Variants in NLRP5 observed in about 807,000 individuals in gnomAD.
NLRP5 encodes NLR family pyrin domain containing 5, also known as NACHT, LRR and PYD domains-containing protein 5.
NLRP5 carries 93 observed loss-of-function variants against 113.1 expected under a neutral mutation model. The observed-to-expected ratio is 0.82, with a 90% CI of 0.70 to 0.98. NLRP5 has a LOEUF of 0.98. Among genes scored for constraint, NLRP5 ranks in the 50% least tolerant of loss-of-function variants. The pLI is 0.00. For synonymous variants in NLRP5, 751 were observed against 600.7 expected (o/e 1.25, Z -3.66); for missense variants, 1,808 against 1,514.3 (o/e 1.19, Z -3.22).
In NLRP5 at chr19:56,030,711, C is replaced by CTTTTTTTTTTTTTTTTTT. The variant is rs1251579019; in HGVS notation, c.2277-1898_2277-1897insTTTTTTTTTTTTTTTTTT. On this transcript the variant is annotated intron_variant, in intron 7 of 14. Coordinates refer to ENST00000390649, the MANE Select transcript of NLRP5 (RefSeq NM_153447.4). ...TATACTTACATTCATTCGCTTTCTT[C>CTTTTTTTTTTTTTTTTTT]TTCTTTTTTTTTTTTTTTTTTGAGA... Among the ~76,000 whole-genome samples the CTTTTTTTTTTTTTTTTTT allele has an allele frequency of 1.4e-3, 66 of 47,736 alleles. 1 individual carries two copies. Among genetic ancestry groups the CTTTTTTTTTTTTTTTTTT allele is most frequent in the Middle Eastern group, 0.017 (1 of 60 alleles). The allele number at this position is 47,736 out of a possible 152,430, so 31.3% of individuals were successfully genotyped here.
rs1251579019 is a variant in NLRP5 at position 56,030,711 on chromosome 19, C to CTTTT, written c.2277-1898_2277-1897insTTTT. Among the ~76,000 whole-genome samples the CTTTT allele has an allele frequency of 2.1e-3, 101 of 47,744 alleles. 5 individuals are homozygous for CTTTT. The highest frequency in any genetic ancestry group is 0.012 in the South Asian group (16 of 1,350). The allele number at this position is 47,744 out of a possible 152,430, so 31.3% of individuals were successfully genotyped here. On this transcript the variant is annotated intron_variant, in intron 7 of 14. Transcript: ENST00000390649. ...TATACTTACATTCATTCGCTTTCTT[C>CTTTT]TTCTTTTTTTTTTTTTTTTTTGAGA...
chr19:56,055,361 C>G (rs1984092689), intron 13 of NLRP5, among the ~76,000 whole-genome samples: 1 of 151,740 alleles, frequency 6.6e-6, no homozygotes, highest in Non-Finnish European at 1.5e-5. Flanking sequence ...TCTGTCCCCT[C>G]AACTTCTTTC....
At chr19:56,042,978 T>C (rs1344069346) in intron 11 of NLRP5, among the ~76,000 whole-genome samples, 2 of 152,200 alleles carry the variant, frequency 1.3e-5, no homozygotes, top group African/African-American at 4.8e-5. Flanking sequence ...TATGTGTGTG[T>C]GTGTGTGTTT....
At chr19:55,987,257 C>G in the NLRP5 span, among the ~76,000 whole-genome samples, 1 of 152,186 alleles carries the variant, frequency 6.6e-6, no homozygotes, top group Non-Finnish European at 1.5e-5. Flanking sequence ...ATAATCCCAC[C>G]TTCTAGGGAG....
chr19:56,037,350 C>T (rs1983354422), intron 9 of NLRP5, among the ~76,000 whole-genome samples: 1 of 152,090 alleles, frequency 6.6e-6, no homozygotes, highest in Non-Finnish European at 1.5e-5. Flanking sequence ...ATGGAGATGA[C>T]ATTCTAGGAA....
At chr19:56,025,318 G>A (rs1982795494) in intron 6 of NLRP5, among the ~76,000 whole-genome samples, 1 of 152,008 alleles carries the variant, frequency 6.6e-6, no homozygotes, top group African/African-American at 2.4e-5. Context: ...AAAAGGTTGG[G>A]GATCACTGCT....
intron 3 of NLRP5, among the ~76,000 whole-genome samples, chr19:56,009,288 C>T (rs1323796747): frequency 7.5e-6 from 1 of 133,586 alleles, no homozygotes. Flanking sequence ...TGCAGTGAGC[C>T]GAGATCACAC....
chr19:56,035,282 TAAGA>T (rs1390565963), intron 9 of NLRP5, among the ~76,000 whole-genome samples: 1 of 152,194 alleles, frequency 6.6e-6, no homozygotes, highest in East Asian at 1.9e-4. Context: ...CGAAGAATAG[TAAGA>T]AAGAAGAAGA....
chr19:56,047,370 G>A (rs543310452), intron 11 of NLRP5, among the ~76,000 whole-genome samples: 185 of 152,238 alleles, frequency 1.2e-3, no homozygotes, highest in African/African-American at 4.1e-3. Flanking sequence ...TGATGTAGGC[G>A]TTGAGGGCTA....
Position 56,038,140 on chromosome 19 carries a change from G to A in NLRP5, c.2731G>A (p.Val911Ile). 6.2e-7 allele frequency: 1 copy of A among 1,613,978 alleles called. No homozygotes were observed. The highest frequency in any genetic ancestry group is 8.5e-7 in the Non-Finnish European group (1 of 1,179,858). The change falls in exon 10 of 15, where the codon GTA becomes ATA. Residue 911 changes from valine (V) to isoleucine (I), a missense_variant. By Grantham distance (29) the Val-to-Ile change is conservative (BLOSUM62 3). Coordinates refer to ENST00000390649, the MANE Select transcript of NLRP5 (RefSeq NM_153447.4). ...AGGAAACAAGGTGACAGACCAGGGA[G>A]TAATGCCTCTCAGTGATGCCTTGAG...
chr19:56,041,868 G>C (rs1477668243), intron 11 of NLRP5, among the ~76,000 whole-genome samples: 2 of 152,202 alleles, frequency 1.3e-5, no homozygotes, highest in Non-Finnish European at 2.9e-5. Flanking sequence ...ACAACCACTT[G>C]AACCTGCGAG....
At chr19:56,012,652 AACG>A (rs1361018556) in intron 3 of NLRP5, among the ~76,000 whole-genome samples, 3 of 69,344 alleles carry the variant, frequency 4.3e-5, no homozygotes, top group African/African-American at 1.4e-4. Context: ...CATAATTTGG[AACG>A]ATCTTACAAT....
At chr19:55,999,895 A>C (rs979292868) in intron 1 of NLRP5, 14 of 815,716 alleles carry the variant, frequency 1.7e-5, no homozygotes, top group Admixed American at 5.3e-5. Flanking sequence ...CAATGTTATT[A>C]GCAATCCGTT....
chr19:56,020,640 C>G (rs1982578532), intron 6 of NLRP5, among the ~76,000 whole-genome samples: 1 of 151,578 alleles, frequency 6.6e-6, no homozygotes, highest in African/African-American at 2.4e-5. Context: ...CAGTCAGATA[C>G]TATGAAGACA....
At chr19:55,999,276 A>G (rs10412389), upstream of NLRP5, among the ~76,000 whole-genome samples, 143,712 of 146,604 alleles carry the variant, frequency 0.98, 70,458 homozygotes, top group East Asian at 1. Flanking sequence ...GTGCAATGCC[A>G]CAATCTTGGC....
At chr19:56,009,724 G>A (rs1327162249) in intron 3 of NLRP5, among the ~76,000 whole-genome samples, 7 of 152,138 alleles carry the variant, frequency 4.6e-5, no homozygotes, top group Non-Finnish European at 1.5e-5. Context: ...TCTGCTACCT[G>A]CGCCGCTACC....
chr19:56,054,569 A>G (rs966452949), intron 13 of NLRP5, among the ~76,000 whole-genome samples: 4 of 1,820 alleles, frequency 2.2e-3, no homozygotes, highest in Non-Finnish European at 8.4e-3. Flanking sequence ...AAAAAAGTGA[A>G]AAAAAAAAAA....
intron 6 of NLRP5, among the ~76,000 whole-genome samples, chr19:56,021,968 A>T (rs1376716095): frequency 6.6e-6 from 1 of 152,166 alleles, no homozygotes; most frequent in Admixed American, 6.5e-5. Flanking sequence ...TTGAGCTCTG[A>T]GACAGCTTCA....
At chr19:56,005,079 G>T (rs1282993536) in intron 2 of NLRP5, among the ~76,000 whole-genome samples, 1 of 125,124 alleles carries the variant, frequency 8.0e-6, no homozygotes, top group Non-Finnish European at 1.6e-5. Flanking sequence ...GGGCAACGGA[G>T]TGAGACTGTG....
Sources: gnomAD v4.1 joint callset for allele counts (sites outside exome capture counted in the v4.1 genomes callset) on GRCh38, gnomAD v4.1.1 for gene constraint, MANE v1.5 for transcripts, NCBI Gene and HGNC (gene_info 2026-07-23, HGNC 2026-07-21) for gene names.